The following RANBP2 variants were observed in gnomAD, a reference collection of about 807,000 sequenced individuals.
RANBP2 encodes the protein RAN binding protein 2, also known as E3 SUMO-protein ligase RanBP2.
Under a neutral mutation model 303.6 loss-of-function variants are expected in RANBP2, and 57 were observed. That is an observed-to-expected ratio of 0.19 (90% CI 0.15 to 0.23). The LOEUF is 0.23. RANBP2 is among the 10% of genes least tolerant of loss of function. The pLI is 1.00. For missense variants in RANBP2, 3,138 were observed against 3,780.8 expected (o/e 0.83, Z 4.46); for synonymous variants, 1,167 against 1,301.5 (o/e 0.90, Z 2.23).
chr2:108,923,574 C>T, the RANBP2 span: 49 of 825,616 alleles, frequency 5.9e-5, no homozygotes, highest in East Asian at 4.0e-4. Flanking sequence ...CATGAGGCCA[C>T]GCCCACTCAG....
At chr2:109,438,535 T>C in the RANBP2 span, among the ~76,000 whole-genome samples, 45 of 152,352 alleles carry the variant, frequency 3.0e-4, no homozygotes, top group South Asian at 6.8e-3. Context: ...TCTCAGATTC[T>C]GTAAGTCTCT....
the RANBP2 span, among the ~76,000 whole-genome samples, chr2:109,482,645 A>C: frequency 6.6e-6 from 1 of 152,170 alleles, no homozygotes; most frequent in Non-Finnish European, 1.5e-5. Flanking sequence ...GAGTGCTGTA[A>C]ATGGTAATAA....
chr2:108,737,350 G>T (rs13382325), intron 6 of RANBP2, among the ~76,000 whole-genome samples: 20,659 of 64,114 alleles, frequency 0.32, 2,025 homozygotes, highest in African/African-American at 0.54. Context: ...TTTTTTTTTT[G>T]TTTTTTTGAG....
At chr2:108,873,513 C>A in the RANBP2 span, 1 of 1,612,378 alleles carries the variant, frequency 6.2e-7, no homozygotes, top group East Asian at 2.2e-5. Flanking sequence ...TTGCTCTGTG[C>A]TGCTTCGAGC....
At chr2:109,253,459 G>A in the RANBP2 span, among the ~76,000 whole-genome samples, 1 of 152,160 alleles carries the variant, frequency 6.6e-6, no homozygotes, top group Non-Finnish European at 1.5e-5. Context: ...GGCTGGTGAG[G>A]GCATTTTTTG....
At chr2:109,625,068 TCAA>T in the RANBP2 span, among the ~76,000 whole-genome samples, 102 of 99,482 alleles carry the variant, frequency 1.0e-3, 7 homozygotes, top group East Asian at 2.4e-3. Flanking sequence ...GTGACACATC[TCAA>T]CAACAACAAC....
At chr2:109,599,197 C>T in the RANBP2 span, among the ~76,000 whole-genome samples, 6 of 152,244 alleles carry the variant, frequency 3.9e-5, 1 homozygote, top group African/African-American at 1.4e-4. Flanking sequence ...GTGGCTCACA[C>T]CTGTAACCCC....
At chr2:109,682,418 G>A in the RANBP2 span, among the ~76,000 whole-genome samples, 6 of 152,270 alleles carry the variant, frequency 3.9e-5, no homozygotes, top group African/African-American at 7.2e-5. Context: ...CTCCAGAAAG[G>A]GCGGAAAAGG....
At chr2:109,495,429 A>ACACTCTG in the RANBP2 span, among the ~76,000 whole-genome samples, 1 of 147,316 alleles carries the variant, frequency 6.8e-6, no homozygotes, top group Non-Finnish European at 1.5e-5. Flanking sequence ...GAGTAGACAG[A>ACACTCTG]CACTCTGGGC....
At chr2:109,535,909 C>T in the RANBP2 span, among the ~76,000 whole-genome samples, 1 of 152,094 alleles carries the variant, frequency 6.6e-6, no homozygotes, top group Non-Finnish European at 1.5e-5. Flanking sequence ...GAATTTGGGG[C>T]TTTTAAACCT....
At chr2:108,990,103 C>T in the RANBP2 span, among the ~76,000 whole-genome samples, 1 of 152,166 alleles carries the variant, frequency 6.6e-6, no homozygotes, top group Admixed American at 6.5e-5. Flanking sequence ...TGGGATCAGC[C>T]TGGCCAACAT....
At chr2:109,544,192 T>C in the RANBP2 span, 5 of 1,602,310 alleles carry the variant, frequency 3.1e-6, no homozygotes, top group Non-Finnish European at 4.3e-6. Context: ...TAACTGTGGC[T>C]GTTCACCAAA....
chr2:108,895,597 C>G, the RANBP2 span: 1 of 152,212 alleles, frequency 6.6e-6, no homozygotes, highest in African/African-American at 2.4e-5. Flanking sequence ...TGTTGACTTC[C>G]ATAGAGCACC....
At chr2:109,709,608 G>A in the RANBP2 span, among the ~76,000 whole-genome samples, 1,392 of 152,334 alleles carry the variant, frequency 9.1e-3, 34 homozygotes, top group African/African-American at 0.031. Flanking sequence ...TTGTAGGGTT[G>A]TAAAGATGAA....
At chr2:109,015,416 A>T in the RANBP2 span, among the ~76,000 whole-genome samples, 1 of 152,048 alleles carries the variant, frequency 6.6e-6, no homozygotes, top group Non-Finnish European at 1.5e-5. Context: ...TCTCTCCCTT[A>T]TGCTTTTCTC....
chr2:108,930,291 A>G, the RANBP2 span: 2 of 1,611,878 alleles, frequency 1.2e-6, no homozygotes, highest in Admixed American at 1.7e-5. Context: ...TTAGAAACAC[A>G]TGTGACTCCT....
At chr2:108,888,337 G>T in the RANBP2 span, among the ~76,000 whole-genome samples, 1 of 151,916 alleles carries the variant, frequency 6.6e-6, no homozygotes, top group Non-Finnish European at 1.5e-5. Flanking sequence ...TTCTTTTCTT[G>T]TTATGTCTTT....
chr2:109,642,554 C>G, the RANBP2 span, among the ~76,000 whole-genome samples: 1 of 150,700 alleles, frequency 6.6e-6, no homozygotes, highest in African/African-American at 2.4e-5. Flanking sequence ...TTGAGACCAT[C>G]CTGGCTAACA....
chr2:109,623,996 G>A, the RANBP2 span, among the ~76,000 whole-genome samples: 14 of 152,294 alleles, frequency 9.2e-5, no homozygotes, highest in Admixed American at 9.2e-4. Flanking sequence ...ACAACAACGT[G>A]ATAGGTGCCT....
Sources: gnomAD v4.1 joint callset for allele counts (sites outside exome capture counted in the v4.1 genomes callset) on GRCh38, gnomAD v4.1.1 for gene constraint, MANE v1.5 for transcripts, NCBI Gene and HGNC (gene_info 2026-07-23, HGNC 2026-07-21) for gene names.